TRIM45: variants seen among roughly 807,000 people sequenced by gnomAD.
TRIM45 encodes the protein E3 ubiquitin-protein ligase TRIM45.
TRIM45 carries 45 observed loss-of-function variants against 46.7 expected under a neutral mutation model. That is an observed-to-expected ratio of 0.96 (90% CI 0.76 to 1.24). The LOEUF is 1.24. Among genes scored for constraint, TRIM45 ranks in the 50% most tolerant of loss-of-function variants. The probability of loss-of-function intolerance (pLI) is 0.00; values close to 1 mark genes in which losing one functional copy is unlikely to be tolerated. For missense variants in TRIM45, 680 were observed against 728.4 expected, an observed-to-expected ratio of 0.93 and a Z score of 0.77; for synonymous variants, 259 against 285.8, an observed-to-expected ratio of 0.91 and a Z score of 0.94.
At position 117,117,237 on chromosome 1, in the gene TRIM45, T is replaced by C. The variant is rs1650435385; in HGVS notation, c.1223-492A>G. Among the ~76,000 whole-genome samples, 1 of 152,136 alleles carries C rather than the reference T, an allele frequency of 6.6e-6. No individual in the cohort carries two copies. The highest frequency in any genetic ancestry group is 1.5e-5 in the Non-Finnish European group (1 of 68,020). ...AGTAGCTACAGCCCCTACTCCAGCA[T>C]TCAGATGAAACAGGGTTTCTTAACC... On this transcript the variant is annotated intron_variant, in intron 2 of 5. Coordinates refer to ENST00000256649, the MANE Select transcript of TRIM45 (RefSeq NM_025188.4). The surrounding 1 kb of genome is among the most constrained non-coding windows in gnomAD (Gnocchi z 4.9).
chr1:117,113,320 G>C lies in TRIM45; in HGVS notation c.1594+39C>G. 1 of 1,605,590 alleles carries C rather than the reference G, an allele frequency of 6.2e-7. No homozygotes were observed. Among genetic ancestry groups the C allele is most frequent in the South Asian group, 1.1e-5 (1 of 90,502 alleles). ...AAGGGCCCGTCGCTTGATTCCCACTGCTGGCAGAAAGGCCCAGAGGGTAGT... is the reference window on the plus strand; with the variant it reads ...AAGGGCCCGTCGCTTGATTCCCACTCCTGGCAGAAAGGCCCAGAGGGTAGT... On this transcript the variant is annotated intron_variant, in intron 5 of 5. Coordinates refer to ENST00000256649, the MANE Select transcript of TRIM45 (RefSeq NM_025188.4). The surrounding 1 kb of genome is among the most constrained non-coding windows in gnomAD (Gnocchi z 4.0).
Position 117,121,497 on chromosome 1 carries a change from T to A in TRIM45, c.-296A>T. On this transcript the variant is annotated 5_prime_UTR_variant, in exon 1 of 6. Coordinates refer to ENST00000256649, the MANE Select transcript of TRIM45 (RefSeq NM_025188.4). This position sits in a 1 kb window ranked among gnomAD's most constrained non-coding sequence, Gnocchi z 4.2. ...GCGCTTCCAGGTCTAGCTCTCCAGC[T>A]AGTCCTGCTGCCAACAAAGTCACCC... 1.9e-6 allele frequency: 1 copy of A among 525,596 alleles called. No individual in the cohort carries two copies. The highest frequency in any genetic ancestry group is 3.3e-6 in the Non-Finnish European group (1 of 299,442). 32.6% of individuals were successfully genotyped at this position (525,596 alleles called of 1,614,324 possible).
rs1347492803 is a variant in TRIM45, at chr1:117,113,284, G to A, written c.1594+75C>T. ...GCCTAAGTCCAAATGTCTAGTGGCTGTGTGGTAGGGAAGGGCCCGTCGCTT... is the reference window on the plus strand; with the variant it reads ...GCCTAAGTCCAAATGTCTAGTGGCTATGTGGTAGGGAAGGGCCCGTCGCTT... On this transcript the variant is annotated intron_variant, in intron 5 of 5. Transcript: ENST00000256649. This position sits in a 1 kb window ranked among gnomAD's most constrained non-coding sequence, Gnocchi z 4.0. 1 of 1,571,362 alleles carries A rather than the reference G, an allele frequency of 6.4e-7. No homozygotes were observed. Among genetic ancestry groups the A allele is most frequent in the African/African-American group, 1.3e-5 (1 of 74,212 alleles).
At chr1:117,122,160 G>A, upstream of TRIM45, 1 of 254,048 alleles carries the variant, frequency 3.9e-6, no homozygotes, top group Non-Finnish European at 7.5e-6. Context: ...TTCTCCCATT[G>A]GTGGATGGCA....
rs1020763572 is a variant in TRIM45, at chr1:117,121,546, GCCACCCCCCTC to G, written c.-356_-346del. 2 of 507,258 alleles carry G rather than the reference GCCACCCCCCTC, an allele frequency of 3.9e-6. No individual in the cohort carries two copies. Among genetic ancestry groups the G allele is most frequent in the Admixed American group, 3.8e-5 (1 of 26,370 alleles). The allele number at this position is 507,258 out of a possible 1,614,324, so 31.4% of individuals were successfully genotyped here. ...CCCTGCACCTCTCGCTCCCTCCACT[GCCACCCCCCTC>G]CCGCCGCCCGCCCCACTGCGCGCCA... On this transcript the variant is annotated 5_prime_UTR_variant, in exon 1 of 6. Coordinates refer to ENST00000256649, the MANE Select transcript of TRIM45 (RefSeq NM_025188.4). The surrounding 1 kb of genome is among the most constrained non-coding windows in gnomAD (Gnocchi z 4.2).
chr1:117,117,497 C>T lies in TRIM45; in HGVS notation c.1222+537G>A, dbSNP rs768433010. On this transcript the variant is annotated intron_variant, in intron 2 of 5. Coordinates refer to ENST00000256649, the MANE Select transcript of TRIM45 (RefSeq NM_025188.4). This position sits in a 1 kb window ranked among gnomAD's most constrained non-coding sequence, Gnocchi z 4.9. Reference sequence around the variant, plus strand: ...TAATATGCTTCCATTAGAAAGGGAACACTCGTTAAAAAAAACCATTTTTTC... The same window carrying T: ...TAATATGCTTCCATTAGAAAGGGAATACTCGTTAAAAAAAACCATTTTTTC... Among the ~76,000 whole-genome samples the T allele has an allele frequency of 1.3e-5, 2 of 152,154 alleles. No homozygotes were observed. Among genetic ancestry groups the T allele is most frequent in the East Asian group, 3.8e-4 (2 of 5,196 alleles).
chr1:117,122,376 T>C (rs1012568984), upstream of TRIM45: 8 of 152,312 alleles, frequency 5.3e-5, no homozygotes, highest in Non-Finnish European at 1.0e-4. Flanking sequence ...ACTTTGGGTA[T>C]TTTTCGGGGG....
rs1350896659 is a variant in TRIM45 at position 117,111,956 on chromosome 1, AAAAAAAAG to A, written c.*341_*348del. The A allele has an allele frequency of 1.3e-4, 21 of 156,126 alleles. No individual in the cohort carries two copies. The highest frequency in any genetic ancestry group is 2.4e-4 in the Non-Finnish European group (17 of 70,914). The allele number at this position is 156,126 out of a possible 1,614,324, so 9.7% of individuals were successfully genotyped here. A position where few individuals can be genotyped will look rare whatever the true frequency, so the allele number is the denominator to read the frequency against. ...AGTGAGACTCTGTCTTTAAAAAAAA[AAAAAAAAG>A]AAAAAAAAAGGGTTATATCAGAAAG... On this transcript the variant is annotated 3_prime_UTR_variant, in exon 6 of 6. Coordinates refer to ENST00000256649, the MANE Select transcript of TRIM45 (RefSeq NM_025188.4).
chr1:117,115,642 A>G lies in TRIM45; in HGVS notation c.1400T>C (p.Ile467Thr), dbSNP rs966877146. 6.2e-7 allele frequency: 1 copy of G among 1,614,004 alleles called. No individual in the cohort carries two copies. ...VQDNKDGTYYISYTPKEPGVY... is the reference protein window; with the variant it reads ...VQDNKDGTYYTSYTPKEPGVY... The stretch of plus-strand genomic sequence containing the variant: ...GCCAGGTTCCTTGGGGGTGTAGGAA[A>G]TGTAGTATGTCCCATCCTTGTTATC... The change falls in exon 4 of 6, where the codon ATT becomes ACT. Residue 467 changes from isoleucine to threonine, a missense_variant. Coordinates refer to ENST00000256649, the MANE Select transcript of TRIM45 (RefSeq NM_025188.4). This position sits in a 1 kb window ranked among gnomAD's most constrained non-coding sequence, Gnocchi z 4.2.
chr1:117,111,947 TAA>T lies in TRIM45; in HGVS notation c.*356_*357del, dbSNP rs74430292. 3.2e-4 allele frequency: 39 copies of T among 121,696 alleles called. No individual in the cohort carries two copies. Among genetic ancestry groups the T allele is most frequent in the Non-Finnish European group, 3.6e-4 (21 of 57,664 alleles). The allele number at this position is 121,696 out of a possible 1,614,324, so 7.5% of individuals were successfully genotyped here. ...GGGTGACAGAGTGAGACTCTGTCTT[TAA>T]AAAAAAAAAAAAAAGAAAAAAAAAG... On this transcript the variant is annotated 3_prime_UTR_variant, in exon 6 of 6. Transcript: ENST00000256649.
rs1197437635 is a variant in TRIM45 at position 117,120,043 on chromosome 1, C to T, written c.488+671G>A. On this transcript the variant is annotated intron_variant, in intron 1 of 5. Transcript: ENST00000256649. ...AGAGTACGAAGGGACAAAAGTGATC[C>T]ATCTGACAAACTATTCACCAAATGC... is the stretch of plus-strand genomic sequence containing the variant. Among the ~76,000 whole-genome samples the T allele has an allele frequency of 3.9e-5, 6 of 152,062 alleles. No homozygotes were observed. The East Asian group carries it at 1.2e-3, about 29-fold the overall frequency.
In TRIM45 at chr1:117,112,185, T is replaced by C. The variant is rs1650239090; in HGVS notation, c.*120A>G. 1.9e-6 allele frequency: 2 copies of C among 1,074,298 alleles called. No individual in the cohort carries two copies. The highest frequency in any genetic ancestry group is 3.3e-5 in the South Asian group (1 of 30,232). The allele number at this position is 1,074,298 out of a possible 1,614,324, so 66.5% of individuals were successfully genotyped here. A position where few individuals can be genotyped will look rare whatever the true frequency, so the allele number is the denominator to read the frequency against. ...TAACAAAAGAGCACTTGAACTCCAG[T>C]GCAAGATAAGGCACTTTGTTTTTAA... On this transcript the variant is annotated 3_prime_UTR_variant, in exon 6 of 6. Coordinates refer to ENST00000256649, the MANE Select transcript of TRIM45 (RefSeq NM_025188.4).
rs1246284757 is a variant in TRIM45, at chr1:117,111,964, G to GA, written c.*340dup. 9.8e-5 allele frequency: 14 copies of GA among 142,952 alleles called. No homozygotes were observed. The highest frequency in any genetic ancestry group is 1.4e-4 in the Admixed American group (2 of 14,062). 8.9% of individuals were successfully genotyped at this position (142,952 alleles called of 1,614,324 possible). ...TCTGTCTTTAAAAAAAAAAAAAAAA[G>GA]AAAAAAAAAGGGTTATATCAGAAAG... On this transcript the variant is annotated 3_prime_UTR_variant, in exon 6 of 6. Coordinates refer to ENST00000256649, the MANE Select transcript of TRIM45 (RefSeq NM_025188.4).
intron 1 of TRIM45, 127 bp downstream of exon 1, chr1:117,120,587 T>C (rs1002467935): frequency 4.1e-5 from 55 of 1,346,866 alleles, no homozygotes; most frequent in Non-Finnish European, 5.2e-5. Flanking sequence ...TGCATTGTTA[T>C]ATTGCTCTTT....
intron 5 of TRIM45, among the ~76,000 whole-genome samples, chr1:117,112,679 T>A (rs1406299942): frequency 6.6e-6 from 1 of 152,206 alleles, no homozygotes; most frequent in East Asian, 1.9e-4. Context: ...GTTCTAAGAA[T>A]GCTGTAGTGA....
chr1:117,116,572 TCTCA>T lies in TRIM45; in HGVS notation c.1352+40_1352+43del. On this transcript the variant is annotated intron_variant, in intron 3 of 5. Transcript: ENST00000256649. The surrounding 1 kb of genome is among the most constrained non-coding windows in gnomAD (Gnocchi z 4.6). ...TTAAAGGACCTCATGTTTCCAGTTT[TCTCA>T]CTGCCTGTTATCCATGACACCTAAT... 2 of 1,605,512 alleles carry T rather than the reference TCTCA, an allele frequency of 1.2e-6. No homozygotes were observed. Among genetic ancestry groups the T allele is most frequent in the African/African-American group, 1.3e-5 (1 of 74,750 alleles).
At chr1:117,112,609 G>A (rs1031675952) in intron 5 of TRIM45, among the ~76,000 whole-genome samples, 156 bp from the exon 6 acceptor site, 9 of 152,206 alleles carry the variant, frequency 5.9e-5, no homozygotes, top group South Asian at 4.1e-4. Flanking sequence ...CTGTCTGACT[G>A]TTGTGCAGTC....
upstream of TRIM45, chr1:117,121,910 G>C (rs115578506): frequency 2.8e-3 from 2,005 of 707,080 alleles, 33 homozygotes; most frequent in African/African-American, 0.03. The surrounding 1 kb of genome is among the most constrained non-coding windows in gnomAD (Gnocchi z 4.2). Flanking sequence ...CCACTCACGC[G>C]GGGGGCGGGA....
At chr1:117,121,932 CGTGG>C, upstream of TRIM45, 1 of 686,872 alleles carries the variant, frequency 1.5e-6, no homozygotes, top group Non-Finnish European at 2.7e-6. The surrounding 1 kb of genome is among the most constrained non-coding windows in gnomAD (Gnocchi z 4.2). Flanking sequence ...CTGACAAGGC[CGTGG>C]GCGGGGCGGC....
Sources: allele counts gnomAD v4.1 joint callset (sites outside exome capture counted in the v4.1 genomes callset), GRCh38; gene constraint gnomAD v4.1.1; non-coding constraint Gnocchi (gnomAD v3.1); transcripts MANE v1.5; gene names NCBI Gene and HGNC (gene_info 2026-07-23, HGNC 2026-07-21).